EDA: variants seen among roughly 807,000 people sequenced by gnomAD.
EDA encodes the protein ectodysplasin A.
A neutral mutation model predicts 23.6 loss-of-function variants in EDA; 2 were observed. The ratio of observed to expected loss-of-function variants is 0.08; its 90% confidence interval spans 0.03 to 0.27. The LOEUF (loss-of-function observed/expected upper bound fraction) is 0.27. Among genes scored for constraint, EDA ranks in the 10% least tolerant of loss-of-function variants. The probability of loss-of-function intolerance (pLI) is 1.00; values close to 1 mark genes in which losing one functional copy is unlikely to be tolerated. For missense variants in EDA, 229 were observed against 324.2 expected (o/e 0.71, Z 2.26); for synonymous variants, 131 against 132.0 (o/e 0.99, Z 0.05).
chrX:69,823,058 G>C (rs2016281147), intron 1 of EDA, among the ~76,000 whole-genome samples: 1 of 97,649 alleles, frequency 1.0e-5, no homozygotes, highest in Non-Finnish European at 2.0e-5. Flanking sequence ...AGTATTCCAT[G>C]GTGTATATGT....
chrX:69,810,197 G>T (rs2015914695), intron 1 of EDA, among the ~76,000 whole-genome samples: 1 of 83,835 alleles, frequency 1.2e-5, no homozygotes, highest in East Asian at 4.5e-4. Flanking sequence ...GGCAGAGGTT[G>T]CAGTGAGCCA....
At chrX:69,932,991 A>G (rs1005622103) in intron 1 of EDA, among the ~76,000 whole-genome samples, 4 of 109,071 alleles carry the variant, frequency 3.7e-5, no homozygotes, top group Admixed American at 2.0e-4. Context: ...TTCGTAAACT[A>G]TAGACAGTAT....
At chrX:69,924,539 T>C (rs1317917460) in intron 1 of EDA, among the ~76,000 whole-genome samples, 1 of 111,912 alleles carries the variant, frequency 8.9e-6, no homozygotes, top group Non-Finnish European at 1.9e-5. Context: ...CGTGCTGTTT[T>C]GGTTACTGTA....
At chrX:69,971,451 C>T (rs766891021) in intron 2 of EDA, among the ~76,000 whole-genome samples, 1 of 112,333 alleles carries the variant, frequency 8.9e-6, no homozygotes, top group African/African-American at 3.2e-5. Flanking sequence ...TATCATGCAA[C>T]ATTGCCATGG....
intron 2 of EDA, among the ~76,000 whole-genome samples, chrX:70,006,900 G>C (rs373627389): frequency 1.8e-5 from 2 of 110,758 alleles, no homozygotes; most frequent in African/African-American, 6.6e-5. Flanking sequence ...TTATGGTTTT[G>C]TGCTTTGCAT....
At chrX:69,728,951 G>A (rs1386164249) in intron 1 of EDA, among the ~76,000 whole-genome samples, 1 of 111,469 alleles carries the variant, frequency 9.0e-6, no homozygotes, top group Non-Finnish European at 1.9e-5. Context: ...GTTTAATGGG[G>A]AATCAGGTCA....
chrX:69,928,537 AG>A (rs750161844), intron 1 of EDA, among the ~76,000 whole-genome samples: 1 of 111,962 alleles, frequency 8.9e-6, no homozygotes, highest in South Asian at 3.7e-4. Context: ...TCTGGGGAGC[AG>A]TAGAAGTGAA....
At chrX:69,838,500 G>A (rs1263510544) in intron 1 of EDA, among the ~76,000 whole-genome samples, 2 of 111,854 alleles carry the variant, frequency 1.8e-5, no homozygotes, top group Admixed American at 9.4e-5. Flanking sequence ...GGTGGCAGGC[G>A]CCTGTAGTCC....
chrX:69,632,789 G>A (rs1932651970), intron 1 of EDA, among the ~76,000 whole-genome samples: 1 of 111,992 alleles, frequency 8.9e-6, no homozygotes, highest in African/African-American at 3.2e-5. Flanking sequence ...GAGGAAATGT[G>A]TTCCTTTGGT....
At chrX:69,792,234 C>G (rs750014379) in intron 1 of EDA, among the ~76,000 whole-genome samples, 5 of 111,917 alleles carry the variant, frequency 4.5e-5, no homozygotes, top group East Asian at 5.6e-4. Context: ...GTTTTTCATT[C>G]CTGAATTACT....
In EDA at chrX:69,874,869, A is replaced by G. The variant is rs773065294; in HGVS notation, c.397-82158A>G. Among the ~76,000 whole-genome samples, 14 of 112,027 alleles carry G rather than the reference A, an allele frequency of 1.2e-4. No homozygotes were observed. The South Asian group carries it at 5.2e-3, about 42-fold the overall frequency. On this transcript the variant is annotated intron_variant, in intron 1 of 7. Coordinates refer to ENST00000374552, the MANE Select transcript of EDA (RefSeq NM_001399.5). ...AGCCAAGCTGAGAATCTAATCAAGAACTCAACCCCTTTCACAATAGCTGCA... is the reference window on the plus strand; with the variant it reads ...AGCCAAGCTGAGAATCTAATCAAGAGCTCAACCCCTTTCACAATAGCTGCA...
At chrX:69,735,498 TC>T (rs1299815268) in intron 1 of EDA, among the ~76,000 whole-genome samples, 1 of 112,023 alleles carries the variant, frequency 8.9e-6, no homozygotes, top group Non-Finnish European at 1.9e-5. Context: ...TTCCTCTCTT[TC>T]CCATTTTCTG....
At chrX:69,998,290 G>A (rs911138853) in intron 2 of EDA, among the ~76,000 whole-genome samples, 3 of 112,407 alleles carry the variant, frequency 2.7e-5, no homozygotes, top group Non-Finnish European at 3.8e-5. Flanking sequence ...AGATCATTTC[G>A]GTACTTTAAG....
intron 1 of EDA, among the ~76,000 whole-genome samples, chrX:69,824,091 G>A (rs1446802759): frequency 9.8e-6 from 1 of 101,577 alleles, no homozygotes; most frequent in Non-Finnish European, 2.0e-5. Context: ...TGCTGTTTTG[G>A]TTACTGTAGC....
rs776605130 is a variant in EDA at position 70,027,683 on chromosome X, C to T, written c.527-174C>T. On this transcript the variant is annotated intron_variant, in intron 3 of 7. Transcript: ENST00000374552. ...ACTAAAAATACAAAAATTAGCAGGTCGCGGTGGCACGCGCCTGTAATCCCA... is the reference window on the plus strand; with the variant it reads ...ACTAAAAATACAAAAATTAGCAGGTTGCGGTGGCACGCGCCTGTAATCCCA... Among the ~76,000 whole-genome samples the T allele has an allele frequency of 1.4e-4, 15 of 110,572 alleles. No individual in the cohort carries two copies. The East Asian group carries it at 2.9e-3, about 21-fold the overall frequency.
chrX:69,918,856 C>T (rs187486793), intron 1 of EDA, among the ~76,000 whole-genome samples: 47 of 111,740 alleles, frequency 4.2e-4, no homozygotes, highest in Non-Finnish European at 7.7e-4. Context: ...GAGTAGACTT[C>T]GTAGTCTAGC....
chrX:69,715,531 G>A (rs1248229819), intron 1 of EDA, among the ~76,000 whole-genome samples: 1 of 111,679 alleles, frequency 9.0e-6, no homozygotes, highest in Non-Finnish European at 1.9e-5. Context: ...TTGCTATTGT[G>A]AGTAGTGCTG....
chrX:69,714,834 T>A (rs1417777134), intron 1 of EDA, among the ~76,000 whole-genome samples: 1 of 111,192 alleles, frequency 9.0e-6, no homozygotes, highest in African/African-American at 3.3e-5. Flanking sequence ...TTCCTTCTCC[T>A]TTTTTTCTCT....
intron 1 of EDA, among the ~76,000 whole-genome samples, chrX:69,921,907 C>T (rs146396212): frequency 6.8e-4 from 76 of 111,084 alleles, no homozygotes; most frequent in African/African-American, 2.0e-3. Context: ...CAGTATCATA[C>T]GGAATATTTC....
Sources: allele counts gnomAD v4.1 joint callset (sites outside exome capture counted in the v4.1 genomes callset), GRCh38; gene constraint gnomAD v4.1.1; transcripts MANE v1.5; gene names NCBI Gene and HGNC (gene_info 2026-07-23, HGNC 2026-07-21).